The following RIT2 variants were observed in gnomAD, a reference collection of about 807,000 sequenced individuals.
The protein encoded by RIT2 is Ras like without CAAX 2, also known as GTP-binding protein Rit2.
RIT2 carries 24 observed loss-of-function variants against 23.7 expected under a neutral mutation model. The observed-to-expected ratio is 1.01, with a 90% confidence interval of 0.73 to 1.43. RIT2 has a LOEUF of 1.43. Ranked by LOEUF, RIT2 falls within the 40% of genes most tolerant of loss-of-function variation. RIT2 has a pLI of 0.00. For synonymous variants in RIT2, 107 were observed against 91.1 expected (o/e 1.17, Z -0.99); for missense variants, 236 against 266.9 (o/e 0.88, Z 0.81).
chr18:43,072,048 T>G (rs1279027595), intron 1 of RIT2, among the ~76,000 whole-genome samples: 2 of 152,234 alleles, frequency 1.3e-5, no homozygotes, highest in Middle Eastern at 3.4e-3. Flanking sequence ...TACAGTGGTG[T>G]GATCTCAGCT....
At chr18:43,004,557 G>T (rs966795927) in intron 2 of RIT2, among the ~76,000 whole-genome samples, 12 of 151,882 alleles carry the variant, frequency 7.9e-5, no homozygotes, top group Non-Finnish European at 1.5e-4. Context: ...AATGCCTCCA[G>T]TGTGCCCGAC....
intron 4 of RIT2, among the ~76,000 whole-genome samples, chr18:42,804,757 C>T (rs1905635281): frequency 2.0e-5 from 3 of 152,136 alleles, no homozygotes; most frequent in African/African-American, 7.2e-5. Flanking sequence ...ACTTGAGGGT[C>T]TTTACCATCA....
intron 1 of RIT2, among the ~76,000 whole-genome samples, chr18:43,083,387 T>G (rs1913204604): frequency 6.6e-6 from 1 of 152,154 alleles, no homozygotes; most frequent in South Asian, 2.1e-4. Context: ...TACTTTAACT[T>G]TCATATGGAA....
At chr18:42,795,245 G>C (rs1279414530) in intron 4 of RIT2, among the ~76,000 whole-genome samples, 1 of 152,226 alleles carries the variant, frequency 6.6e-6, no homozygotes, top group Non-Finnish European at 1.5e-5. Flanking sequence ...GGGAGGTGTG[G>C]AGGGAGAGGC....
intron 2 of RIT2, among the ~76,000 whole-genome samples, chr18:42,995,003 G>A (rs1344059746): frequency 2.0e-5 from 3 of 151,866 alleles, no homozygotes; most frequent in Non-Finnish European, 2.9e-5. Flanking sequence ...TGACCCTCAC[G>A]ACTGCATCTC....
intron 3 of RIT2, among the ~76,000 whole-genome samples, chr18:42,961,470 A>G (rs1420868336): frequency 6.6e-6 from 1 of 152,238 alleles, no homozygotes; most frequent in Non-Finnish European, 1.5e-5. Context: ...AGCTAGAGCT[A>G]TTCAGCAAAG....
At chr18:42,964,578 A>G (rs1302377368) in intron 3 of RIT2, among the ~76,000 whole-genome samples, 1 of 152,112 alleles carries the variant, frequency 6.6e-6, no homozygotes, top group African/African-American at 2.4e-5. Context: ...ATGCAGATTC[A>G]CTACTGAGCC....
intron 3 of RIT2, among the ~76,000 whole-genome samples, chr18:42,935,687 C>T (rs776037329): frequency 6.6e-6 from 1 of 151,954 alleles, no homozygotes; most frequent in East Asian, 1.9e-4. Context: ...AGGTTCTTGG[C>T]GTGTGGAACA....
At chr18:43,066,679 G>C (rs1290374785) in intron 1 of RIT2, among the ~76,000 whole-genome samples, 1 of 152,062 alleles carries the variant, frequency 6.6e-6, no homozygotes, top group African/African-American at 2.4e-5. Context: ...TTCAATGGTA[G>C]AGAAATTGAC....
chr18:42,874,722 T>C (rs1907701987), intron 4 of RIT2, among the ~76,000 whole-genome samples: 1 of 152,054 alleles, frequency 6.6e-6, no homozygotes, highest in South Asian at 2.1e-4. Context: ...AAGAGAAAAA[T>C]TGAAAACCAA....
chr18:43,070,794 C>T (rs1403664011), intron 1 of RIT2, among the ~76,000 whole-genome samples: 1 of 152,174 alleles, frequency 6.6e-6, no homozygotes, highest in African/African-American at 2.4e-5. Flanking sequence ...AAATACAGCA[C>T]TAATCCAGTC....
chr18:42,892,034 C>T (rs1479437889), intron 4 of RIT2, among the ~76,000 whole-genome samples: 2 of 151,834 alleles, frequency 1.3e-5, no homozygotes, highest in Non-Finnish European at 2.9e-5. Flanking sequence ...TTCAATTTCT[C>T]TATAAACCTA....
At chr18:43,002,986 G>A (rs1911143402) in intron 2 of RIT2, among the ~76,000 whole-genome samples, 1 of 151,844 alleles carries the variant, frequency 6.6e-6, no homozygotes, top group African/African-American at 2.4e-5. Flanking sequence ...TGTGTTGTTG[G>A]CACTGAAGAT....
intron 3 of RIT2, among the ~76,000 whole-genome samples, chr18:42,973,235 GATTT>G (rs1468252149): frequency 3.3e-5 from 5 of 151,464 alleles, no homozygotes; most frequent in Non-Finnish European, 5.9e-5. Context: ...AGGACAGAGA[GATTT>G]ATTTATTTTG....
At chr18:43,076,358 T>TC (rs1913015143) in intron 1 of RIT2, among the ~76,000 whole-genome samples, 2 of 152,096 alleles carry the variant, frequency 1.3e-5, no homozygotes, top group Non-Finnish European at 2.9e-5. Context: ...TCTTTTTTTT[T>TC]CCTCTCAGTA....
At chr18:42,760,730 T>A (rs1264768914) in intron 4 of RIT2, among the ~76,000 whole-genome samples, 2 of 152,212 alleles carry the variant, frequency 1.3e-5, no homozygotes, top group Non-Finnish European at 2.9e-5. Flanking sequence ...GAGACATGAT[T>A]GATATAATAA....
At chr18:43,081,581 C>T (rs1375051577) in intron 1 of RIT2, among the ~76,000 whole-genome samples, 1 of 152,068 alleles carries the variant, frequency 6.6e-6, no homozygotes, top group East Asian at 1.9e-4. Flanking sequence ...AATATGCATG[C>T]CTCATCCTTC....
At chr18:42,797,746 A>T (rs1401175643) in intron 4 of RIT2, among the ~76,000 whole-genome samples, 1 of 152,220 alleles carries the variant, frequency 6.6e-6, no homozygotes, top group African/African-American at 2.4e-5. Flanking sequence ...AGCTGAATTT[A>T]CATGGATAGA....
At chr18:42,744,835 C>G (rs1246459228) in intron 4 of RIT2, among the ~76,000 whole-genome samples, 2 of 152,164 alleles carry the variant, frequency 1.3e-5, no homozygotes, top group African/African-American at 4.8e-5. Context: ...AAGTCTCCCT[C>G]TAGCCAAGTA....
Sources: gnomAD v4.1 joint callset for allele counts (sites outside exome capture counted in the v4.1 genomes callset) on GRCh38, gnomAD v4.1.1 for gene constraint, MANE v1.5 for transcripts, NCBI Gene and HGNC (gene_info 2026-07-23, HGNC 2026-07-21) for gene names.